Variants in SIAH3 observed in about 807,000 individuals in gnomAD.
SIAH3 encodes siah E3 ubiquitin protein ligase family member 3, also known as seven in absentia homolog 3.
In SIAH3, 9 loss-of-function variants were observed where a neutral mutation model predicts 12.6. The ratio of observed to expected loss-of-function variants is 0.72; its 90% CI spans 0.43 to 1.25. The LOEUF is 1.25. SIAH3 is among the 50% of genes most tolerant of loss of function. SIAH3 has a pLI of 0.00. For synonymous variants in SIAH3, 154 were observed against 151.1 expected (o/e 1.02, Z -0.14); for missense variants, 390 against 365.4 (o/e 1.07, Z -0.55).
intron 1 of SIAH3, among the ~76,000 whole-genome samples, chr13:45,787,538 C>T (rs534043758): frequency 1.3e-5 from 2 of 152,126 alleles, no homozygotes; most frequent in Admixed American, 6.5e-5. Flanking sequence ...CTAATTGAAG[C>T]GTGAAGGGTG....
chr13:45,851,137 C>T (rs569026527), intron 1 of SIAH3, among the ~76,000 whole-genome samples: 2 of 152,108 alleles, frequency 1.3e-5, no homozygotes, highest in Admixed American at 6.5e-5. Context: ...CAAATCCTGT[C>T]TCCTGAGCAC....
At chr13:45,835,554 A>AC (rs536143371) in intron 1 of SIAH3, among the ~76,000 whole-genome samples, 62 of 152,218 alleles carry the variant, frequency 4.1e-4, no homozygotes, top group Non-Finnish European at 6.5e-4. Context: ...GGTTATTATT[A>AC]CCCCATTTTA....
chr13:45,840,789 G>T (rs1317977949), intron 1 of SIAH3, among the ~76,000 whole-genome samples: 1 of 152,200 alleles, frequency 6.6e-6, no homozygotes, highest in African/African-American at 2.4e-5. Flanking sequence ...CGGCTCAGTT[G>T]TTTGTTGTGA....
At chr13:45,826,413 A>T (rs796111548) in intron 1 of SIAH3, among the ~76,000 whole-genome samples, 7,202 of 11,792 alleles carry the variant, frequency 0.61, 3,527 homozygotes, top group South Asian at 0.73. Context: ...GGATGGATGG[A>T]TGGATGGATG....
intron 1 of SIAH3, among the ~76,000 whole-genome samples, chr13:45,837,548 G>C (rs1303256565): frequency 1.4e-5 from 2 of 141,070 alleles, no homozygotes; most frequent in Non-Finnish European, 3.1e-5. Context: ...AAGGAAGGAA[G>C]GAAAGAAGGA....
intron 1 of SIAH3, among the ~76,000 whole-genome samples, chr13:45,794,096 C>CTTTTTTT (rs11311084): frequency 6.8e-6 from 1 of 146,492 alleles, no homozygotes; most frequent in Non-Finnish European, 1.5e-5. Context: ...CCTCCTGACA[C>CTTTTTTT]TTTTTTTTTT....
At chr13:45,850,312 G>A (rs1022721664) in intron 1 of SIAH3, among the ~76,000 whole-genome samples, 2 of 152,186 alleles carry the variant, frequency 1.3e-5, no homozygotes, top group African/African-American at 4.8e-5. Flanking sequence ...GGCTCCAGCT[G>A]AGGACAGTCC....
chr13:45,844,865 G>A (rs1950753182), intron 1 of SIAH3, among the ~76,000 whole-genome samples: 1 of 152,214 alleles, frequency 6.6e-6, no homozygotes, highest in Admixed American at 6.5e-5. Flanking sequence ...TACTGGTGCT[G>A]TGTTAGCAGA....
chr13:45,828,991 G>A (rs373003061), intron 1 of SIAH3, among the ~76,000 whole-genome samples: 3 of 152,034 alleles, frequency 2.0e-5, no homozygotes, highest in African/African-American at 4.8e-5. Context: ...CCTTTTCAAA[G>A]TTTCAAAGCA....
At chr13:45,805,609 T>C (rs1950596122) in intron 1 of SIAH3, among the ~76,000 whole-genome samples, 1 of 152,124 alleles carries the variant, frequency 6.6e-6, no homozygotes, top group Admixed American at 6.6e-5. Context: ...ATGTAAGACC[T>C]CAAACTATAA....
At chr13:45,802,140 T>G (rs1002291415) in intron 1 of SIAH3, among the ~76,000 whole-genome samples, 5 of 151,924 alleles carry the variant, frequency 3.3e-5, no homozygotes, top group African/African-American at 1.2e-4. Context: ...ACCCCATCTC[T>G]ACTAAAAATA....
At chr13:45,833,483 A>G (rs1369264445) in intron 1 of SIAH3, among the ~76,000 whole-genome samples, 4 of 145,540 alleles carry the variant, frequency 2.7e-5, no homozygotes, top group Middle Eastern at 3.4e-3. Context: ...ACACATGCAC[A>G]CACACACACG....
intron 1 of SIAH3, among the ~76,000 whole-genome samples, chr13:45,799,441 G>A (rs975537999): frequency 6.6e-6 from 1 of 152,194 alleles, no homozygotes; most frequent in Non-Finnish European, 1.5e-5. Flanking sequence ...ATCATGGAAG[G>A]GCATGCTTGA....
At chr13:45,842,485 C>T (rs1292208049) in intron 1 of SIAH3, among the ~76,000 whole-genome samples, 2 of 152,020 alleles carry the variant, frequency 1.3e-5, no homozygotes, top group African/African-American at 2.4e-5. Context: ...GAATAGCTGA[C>T]ACTACAGGTG....
At chr13:45,795,601 T>A (rs1446901818) in intron 1 of SIAH3, among the ~76,000 whole-genome samples, 1 of 152,254 alleles carries the variant, frequency 6.6e-6, no homozygotes, top group Non-Finnish European at 1.5e-5. Context: ...TGGCACAAGC[T>A]GACACTTTGC....
intron 1 of SIAH3, among the ~76,000 whole-genome samples, chr13:45,809,591 T>C (rs1307159792): frequency 6.6e-6 from 1 of 152,174 alleles, no homozygotes; most frequent in Non-Finnish European, 1.5e-5. Context: ...ACCCAAGAAG[T>C]CCCTACCTGC....
At chr13:45,796,822 G>A (rs1180845985) in intron 1 of SIAH3, among the ~76,000 whole-genome samples, 2 of 152,240 alleles carry the variant, frequency 1.3e-5, no homozygotes, top group Middle Eastern at 3.2e-3. Flanking sequence ...AGCAGCCACA[G>A]AAAGCTGCTG....
intron 1 of SIAH3, among the ~76,000 whole-genome samples, chr13:45,804,886 A>G (rs1950593516): frequency 6.6e-6 from 1 of 151,882 alleles, no homozygotes; most frequent in South Asian, 2.1e-4. Flanking sequence ...ATACAAAATC[A>G]ATGTACAAAA....
chr13:45,820,839 A>C (rs1393091715), intron 1 of SIAH3, among the ~76,000 whole-genome samples: 2 of 152,078 alleles, frequency 1.3e-5, no homozygotes, highest in African/African-American at 2.4e-5. Flanking sequence ...CTGCTGCGTT[A>C]CTGACTTTCC....
Sources: allele counts gnomAD v4.1 joint callset (sites outside exome capture counted in the v4.1 genomes callset), GRCh38; gene constraint gnomAD v4.1.1; transcripts MANE v1.5; gene names NCBI Gene and HGNC (gene_info 2026-07-23, HGNC 2026-07-21).